Variants in NIN observed in about 807,000 individuals in gnomAD.
NIN encodes glycogen synthase kinase 3 beta-interacting protein.
A neutral mutation model predicts 257.6 loss-of-function variants in NIN; 137 were observed. The ratio of observed to expected loss-of-function variants is 0.53; its 90% CI spans 0.46 to 0.61. The LOEUF (loss-of-function observed/expected upper bound fraction) is 0.61, where lower values mean the gene tolerates loss of function less well. Among genes scored for constraint, NIN ranks in the 20% least tolerant of loss-of-function variants. The probability of loss-of-function intolerance (pLI) is 0.00; values close to 1 mark genes in which losing one functional copy is unlikely to be tolerated. For missense variants in NIN, 2,439 were observed against 2,501.2 expected (o/e 0.98, Z 0.53); for synonymous variants, 918 against 919.8 (o/e 1.00, Z 0.04).
At position 50,739,539 on chromosome 14, in the gene NIN, C is replaced by T. The variant is rs755757476; in HGVS notation, c.5449-52G>A. ...TTAAAAACAAGCTATTGGGTAATTG[C>T]TGTTTTGAGACAGGTGTCATGTTTA... On this transcript the variant is annotated intron_variant, in intron 25 of 30. Transcript: ENST00000530997. 1.9e-6 allele frequency: 3 copies of T among 1,560,668 alleles called. No homozygotes were observed. In the Admixed American group the frequency reaches 5.4e-5, roughly 28 times the overall value.
Position 50,830,336 on chromosome 14 carries a change from G to A in NIN, c.-22+128C>T, listed in dbSNP as rs117535495. 13,325 of 161,598 alleles carry A rather than the reference G, an allele frequency of 0.082. 690 individuals are homozygous for A. The highest frequency in any genetic ancestry group is 0.14 in the South Asian group (700 of 4,830). The allele number at this position is 161,598 out of a possible 1,614,324, so 10.0% of individuals were successfully genotyped here. A position where few individuals can be genotyped will look rare whatever the true frequency, so the allele number is the denominator to read the frequency against. On this transcript the variant is annotated intron_variant, in intron 2 of 30. Transcript: ENST00000530997. ...GGAGGTGCGGCCGCAGGACAAGCGCGCCTCCCAAGTCCCTGGCCACCTGCG... is the reference window on the plus strand; with the variant it reads ...GGAGGTGCGGCCGCAGGACAAGCGCACCTCCCAAGTCCCTGGCCACCTGCG...
Position 50,720,184 on chromosome 14 carries a change from A to C in NIN, c.*3279T>G. The C allele has an allele frequency of 4.5e-6, 1 of 223,156 alleles. No individual in the cohort carries two copies. Among genetic ancestry groups the C allele is most frequent in the Middle Eastern group, 1.4e-3 (1 of 732 alleles). The allele number at this position is 223,156 out of a possible 1,614,324, so 13.8% of individuals were successfully genotyped here. ...TGATTTTTAAATGAGTGCTTTGGTT[A>C]ATTAGGCTTTGACTTGGTTTTTGGC... is the stretch of plus-strand genomic sequence containing the variant. On this transcript the variant is annotated 3_prime_UTR_variant, in exon 31 of 31. Coordinates refer to ENST00000530997, the MANE Select transcript of NIN (RefSeq NM_020921.4).
chr14:50,770,996 G>A lies in NIN; in HGVS notation c.1119-4C>T, dbSNP rs756931176. Reference sequence around the variant, plus strand: ...GACCACCTGATCAACTCGTTCCCTAGGATCAGAAGTACACTGAGTTAATGG... The same window carrying A: ...GACCACCTGATCAACTCGTTCCCTAAGATCAGAAGTACACTGAGTTAATGG... On this transcript the variant is annotated splice_polypyrimidine_tract_variant and splice_region_variant and intron_variant, in intron 10 of 30. Coordinates refer to ENST00000530997, the MANE Select transcript of NIN (RefSeq NM_020921.4). 3.7e-6 allele frequency: 6 copies of A among 1,613,004 alleles called. No individual in the cohort carries two copies. The East Asian group carries it at 1.1e-4, about 30-fold the overall frequency.
In NIN at chr14:50,808,616, T is replaced by C. The variant is rs79568583; in HGVS notation, c.184-1798A>G. On this transcript the variant is annotated intron_variant, in intron 3 of 30. Coordinates refer to ENST00000530997, the MANE Select transcript of NIN (RefSeq NM_020921.4). The stretch of plus-strand genomic sequence containing the variant: ...TTATTATTCATTCAATAAATATTTA[T>C]TGAGCAGCTGCTCTATGCCAGGCAT... Among the ~76,000 whole-genome samples the C allele has an allele frequency of 9.4e-3, 1,429 of 152,332 alleles. 25 individuals carry two copies. The highest frequency in any genetic ancestry group is 0.032 in the African/African-American group (1,331 of 41,570).
chr14:50,809,678 G>C (rs985900495), intron 3 of NIN, among the ~76,000 whole-genome samples: 7 of 152,184 alleles, frequency 4.6e-5, no homozygotes, highest in Admixed American at 1.3e-4. Context: ...AGGTCACTCA[G>C]TAGTGCATGT....
At chr14:50,830,011 G>A (rs2045628939) in intron 2 of NIN, among the ~76,000 whole-genome samples, 1 of 152,136 alleles carries the variant, frequency 6.6e-6, no homozygotes, top group Admixed American at 6.5e-5. Context: ...AACTGTTTAC[G>A]CGCATCGACC....
chr14:50,782,778 C>T (rs957118959), intron 5 of NIN, among the ~76,000 whole-genome samples: 3 of 152,154 alleles, frequency 2.0e-5, no homozygotes, highest in African/African-American at 7.2e-5. Context: ...GTAAATATTG[C>T]TCTGCAGCAT....
upstream of NIN, among the ~76,000 whole-genome samples, chr14:50,831,314 A>G (rs902923087): frequency 1.4e-4 from 22 of 151,938 alleles, no homozygotes; most frequent in African/African-American, 5.3e-4. Flanking sequence ...CCCGCCTCCG[A>G]GATCTGAAGT....
chr14:50,747,976 C>G lies in NIN; in HGVS notation c.5064+16G>C. 1 of 1,552,706 alleles carries G rather than the reference C, an allele frequency of 6.4e-7. No homozygotes were observed. The highest frequency in any genetic ancestry group is 8.9e-7 in the Non-Finnish European group (1 of 1,124,014). On this transcript the variant is annotated intron_variant, in intron 22 of 30. Coordinates refer to ENST00000530997, the MANE Select transcript of NIN (RefSeq NM_020921.4). ...ATATTGTTCTGTGAACCCCCCTTAGCTGCACACAGCCTTACCTGTTTCATT... is the reference window on the plus strand; with the variant it reads ...ATATTGTTCTGTGAACCCCCCTTAGGTGCACACAGCCTTACCTGTTTCATT...
chr14:50,754,884 G>GA lies in NIN; in HGVS notation c.4539-18dup, dbSNP rs1422636661. 18 of 1,526,948 alleles carry GA rather than the reference G, an allele frequency of 1.2e-5. No homozygotes were observed. The highest frequency in any genetic ancestry group is 2.4e-5 in the Admixed American group (1 of 42,394). 94.6% of individuals were successfully genotyped at this position (1,526,948 alleles called of 1,614,324 possible). A position where few individuals can be genotyped will look rare whatever the true frequency, so the allele number is the denominator to read the frequency against. The stretch of plus-strand genomic sequence containing the variant: ...GATTCATATCTGAAGCACAGAGATT[G>GA]AAAAAAATTGTTACAAGGCAGTCAT... On this transcript the variant is annotated splice_polypyrimidine_tract_variant and intron_variant, in intron 18 of 30. Transcript: ENST00000530997.
chr14:50,744,967 A>G (rs1233998842), intron 22 of NIN, among the ~76,000 whole-genome samples: 1 of 152,132 alleles, frequency 6.6e-6, no homozygotes, highest in East Asian at 1.9e-4. Flanking sequence ...CATGAACCAC[A>G]TACAAGTAAC....
At chr14:50,765,063 TAAA>T (rs781699626) in intron 14 of NIN, among the ~76,000 whole-genome samples, 6 of 82,082 alleles carry the variant, frequency 7.3e-5, no homozygotes, top group Admixed American at 2.9e-4. Context: ...TGTCTCTACT[TAAA>T]AAAAAAAAAA....
At chr14:50,763,698 G>A in intron 15 of NIN, 128 bp downstream of exon 15, 2 of 761,802 alleles carry the variant, frequency 2.6e-6, no homozygotes, top group Non-Finnish European at 4.1e-6. Context: ...CTCAAGAAAA[G>A]AGTATGGCCA....
chr14:50,771,033 T>G (rs1379894788), intron 10 of NIN, 41 bp from the exon 11 acceptor site: 1 of 1,597,156 alleles, frequency 6.3e-7, no homozygotes, highest in South Asian at 1.1e-5. Flanking sequence ...AAACTGTTTC[T>G]AAGCAACAAG....
intron 5 of NIN, among the ~76,000 whole-genome samples, chr14:50,787,002 A>G (rs1368668176): frequency 6.6e-6 from 1 of 152,172 alleles, no homozygotes; most frequent in African/African-American, 2.4e-5. Flanking sequence ...CCACCTCCCC[A>G]TCCTCCTACC....
intron 2 of NIN, among the ~76,000 whole-genome samples, chr14:50,826,333 T>A (rs1244727356): frequency 1.3e-5 from 2 of 152,188 alleles, no homozygotes; most frequent in Non-Finnish European, 2.9e-5. Flanking sequence ...AGAACCAGTA[T>A]GGGCAATATT....
intron 4 of NIN, among the ~76,000 whole-genome samples, chr14:50,802,571 GGAA>G (rs1312279722): frequency 9.9e-5 from 15 of 152,094 alleles, no homozygotes; most frequent in African/African-American, 3.6e-4. Context: ...TTTGTCCTTG[GGAA>G]GAAGAACTTT....
At chr14:50,748,197 G>C (rs1000760484) in intron 21 of NIN, 92 bp from the exon 22 acceptor site, 57 of 748,632 alleles carry the variant, frequency 7.6e-5, no homozygotes, top group African/African-American at 7.6e-4. Flanking sequence ...TAAGGAAACA[G>C]TAATATGAAC....
At chr14:50,748,531 T>TGATTGTGTATTTAGAAATCAC (rs2041653619) in intron 21 of NIN, among the ~76,000 whole-genome samples, 1 of 152,056 alleles carries the variant, frequency 6.6e-6, no homozygotes, top group Non-Finnish European at 1.5e-5. Flanking sequence ...GAAGTCAGAG[T>TGATTGTGTATTTAGAAATCAC]GTCTCTGTTT....
Sources: allele counts gnomAD v4.1 joint callset (sites outside exome capture counted in the v4.1 genomes callset), GRCh38; gene constraint gnomAD v4.1.1; transcripts MANE v1.5; gene names NCBI Gene and HGNC (gene_info 2026-07-23, HGNC 2026-07-21).